The following GRIA1 variants were observed in gnomAD, a reference collection of about 807,000 sequenced individuals.
GRIA1 encodes the protein glutamate ionotropic receptor AMPA type subunit 1.
A neutral mutation model predicts 99.2 loss-of-function variants in GRIA1; 31 were observed. That is an observed-to-expected ratio of 0.31 (90% confidence interval 0.23 to 0.42). GRIA1 has a LOEUF of 0.42. GRIA1 is among the 10% of genes least tolerant of loss of function. The pLI, the probability that GRIA1 is intolerant of heterozygous loss-of-function variation, is 1.00. For synonymous variants in GRIA1, 438 were observed against 432.4 expected, an observed-to-expected ratio of 1.01 and a Z score of -0.16; for missense variants, 782 against 1,157.5, an observed-to-expected ratio of 0.68 and a Z score of 4.71.
chr5:153,575,197 A>AGAG (rs1762425770), intron 2 of GRIA1, among the ~76,000 whole-genome samples: 9 of 147,660 alleles, frequency 6.1e-5, no homozygotes, highest in East Asian at 4.0e-4. Context: ...TCAAGAGAGA[A>AGAG]AGAGAGAGAG....
intron 2 of GRIA1, among the ~76,000 whole-genome samples, chr5:153,528,194 T>G (rs967649577): frequency 2.0e-5 from 3 of 152,212 alleles, no homozygotes; most frequent in African/African-American, 7.2e-5. Context: ...TATTTTATGT[T>G]TCTCAAATAA....
At chr5:153,781,536 G>A (rs1383036293) in intron 13 of GRIA1, among the ~76,000 whole-genome samples, 2 of 152,052 alleles carry the variant, frequency 1.3e-5, no homozygotes, top group Non-Finnish European at 2.9e-5. Flanking sequence ...TAGCATGCAG[G>A]AAACCCCTGC....
intron 11 of GRIA1, among the ~76,000 whole-genome samples, chr5:153,726,200 A>G (rs963222531): frequency 1.3e-5 from 2 of 151,374 alleles, no homozygotes; most frequent in Non-Finnish European, 3.0e-5. Flanking sequence ...AACGAGAACA[A>G]AGACACAACA....
intron 15 of GRIA1, among the ~76,000 whole-genome samples, chr5:153,803,870 G>A (rs1029766232): frequency 6.6e-5 from 10 of 151,964 alleles, no homozygotes; most frequent in East Asian, 3.9e-4. Context: ...CTCCGGGGTC[G>A]CCCTTGGAGA....
At chr5:153,674,378 G>A in intron 5 of GRIA1, 122 bp from the exon 6 acceptor site, 1 of 1,043,622 alleles carries the variant, frequency 9.6e-7, no homozygotes, top group South Asian at 1.5e-5. Flanking sequence ...AGGCCTAACT[G>A]TCTCTCCATT....
At chr5:153,698,819 G>A (rs748037951) in intron 9 of GRIA1, 48 bp from the exon 10 acceptor site, 5 of 1,257,206 alleles carry the variant, frequency 4.0e-6, no homozygotes, top group Admixed American at 1.7e-5. Flanking sequence ...CCCTACCCAT[G>A]GGTGAACCCA....
chr5:153,651,379 ATC>A (rs1754563120), intron 4 of GRIA1, among the ~76,000 whole-genome samples: 1 of 152,174 alleles, frequency 6.6e-6, no homozygotes, highest in Admixed American at 6.5e-5. Context: ...CTTGAGCTAG[ATC>A]TCTCTAAACT....
chr5:153,682,132 T>A (rs1205642907), intron 7 of GRIA1, among the ~76,000 whole-genome samples: 1 of 151,558 alleles, frequency 6.6e-6, no homozygotes. Flanking sequence ...ATGACTCAGG[T>A]AGGAAAGTGA....
At chr5:153,781,220 C>CA (rs1462912175) in intron 13 of GRIA1, among the ~76,000 whole-genome samples, 1 of 152,148 alleles carries the variant, frequency 6.6e-6, no homozygotes, top group Non-Finnish European at 1.5e-5. Context: ...AGTCCCCAAA[C>CA]AAAGAAAATC....
chr5:153,675,839 A>T (rs1166935273), intron 6 of GRIA1, among the ~76,000 whole-genome samples: 1 of 150,290 alleles, frequency 6.7e-6, no homozygotes, highest in Non-Finnish European at 1.5e-5. Context: ...CAGATGACAA[A>T]AATAACCAAA....
intron 11 of GRIA1, among the ~76,000 whole-genome samples, chr5:153,746,223 A>G (rs1762147921): frequency 6.6e-6 from 1 of 152,114 alleles, no homozygotes; most frequent in Non-Finnish European, 1.5e-5. Flanking sequence ...AGAGAGGAAG[A>G]GAGACTGTTT....
At chr5:153,620,043 G>A (rs1399351455) in intron 2 of GRIA1, among the ~76,000 whole-genome samples, 1 of 152,136 alleles carries the variant, frequency 6.6e-6, no homozygotes, top group African/African-American at 2.4e-5. Context: ...GTTTTTTAAT[G>A]TGTGACACAC....
At chr5:153,775,884 G>A (rs1235989798) in intron 13 of GRIA1, among the ~76,000 whole-genome samples, 1 of 142,700 alleles carries the variant, frequency 7.0e-6, no homozygotes, top group Non-Finnish European at 1.5e-5. Flanking sequence ...AAGAGGAAAA[G>A]AGAGCAAATG....
intron 2 of GRIA1, among the ~76,000 whole-genome samples, chr5:153,632,895 A>AT (rs1753079924): frequency 1.3e-5 from 2 of 152,346 alleles, no homozygotes; most frequent in African/African-American, 4.8e-5. Context: ...GAAGAAATGA[A>AT]TTTTTTCTGG....
In GRIA1 at chr5:153,626,882, G is replaced by A. The variant is rs536505968; in HGVS notation, c.221-20046G>A. Among the ~76,000 whole-genome samples the A allele has an allele frequency of 6.1e-4, 93 of 152,300 alleles. No homozygotes were observed. The Middle Eastern group carries it at 0.014, about 22-fold the overall frequency. ...AGGAAATACGATGGACAAGGGTCAGGAGACCAGGATTTGAGCCCCAGCTTA... is the reference window on the plus strand; with the variant it reads ...AGGAAATACGATGGACAAGGGTCAGAAGACCAGGATTTGAGCCCCAGCTTA... On this transcript the variant is annotated intron_variant, in intron 2 of 15. Coordinates refer to ENST00000285900, the MANE Select transcript of GRIA1 (RefSeq NM_000827.4).
At chr5:153,627,404 C>T (rs1439960555) in intron 2 of GRIA1, among the ~76,000 whole-genome samples, 3 of 152,158 alleles carry the variant, frequency 2.0e-5, no homozygotes, top group East Asian at 3.9e-4. Flanking sequence ...TATCCTTAAC[C>T]ACTCAGGTGT....
At chr5:153,491,708 A>G (rs1378153985) in intron 1 of GRIA1, among the ~76,000 whole-genome samples, 1 of 151,986 alleles carries the variant, frequency 6.6e-6, no homozygotes, top group Non-Finnish European at 1.5e-5. Context: ...ACACAAACAC[A>G]CACACGTACA....
At chr5:153,573,927 T>C (rs145849683) in intron 2 of GRIA1, among the ~76,000 whole-genome samples, 1,653 of 152,086 alleles carry the variant, frequency 0.011, 12 homozygotes, top group Middle Eastern at 0.031. Flanking sequence ...ATAAGCTGGG[T>C]GATTAGGGGA....
intron 11 of GRIA1, among the ~76,000 whole-genome samples, chr5:153,715,613 G>T (rs980006545): frequency 7.9e-5 from 12 of 152,116 alleles, no homozygotes; most frequent in African/African-American, 2.7e-4. Context: ...GAAAACATTT[G>T]CCTTGCACGG....
Sources: allele counts gnomAD v4.1 joint callset (sites outside exome capture counted in the v4.1 genomes callset), GRCh38; gene constraint gnomAD v4.1.1; transcripts MANE v1.5; gene names NCBI Gene and HGNC (gene_info 2026-07-23, HGNC 2026-07-21).